Variants in RTCB observed in about 807,000 individuals in gnomAD.
The protein encoded by RTCB is RNA-splicing ligase RTCB.
RTCB carries 32 observed loss-of-function variants against 58.2 expected under a neutral mutation model. The ratio of observed to expected loss-of-function variants is 0.55; its 90% CI spans 0.41 to 0.74. The LOEUF is 0.74. Among genes scored for constraint, RTCB ranks in the 30% least tolerant of loss-of-function variants. RTCB has a pLI of 0.00. For synonymous variants in RTCB, 247 were observed against 218.6 expected (o/e 1.13, Z -1.15); for missense variants, 523 against 639.0 (o/e 0.82, Z 1.96).
At chr22:32,389,912 T>C (rs1384074496) in intron 11 of RTCB, among the ~76,000 whole-genome samples, 1 of 152,194 alleles carries the variant, frequency 6.6e-6, no homozygotes, top group Non-Finnish European at 1.5e-5. Context: ...CATCTCCCTC[T>C]GGCTTGCTCT....
chr22:32,390,542 G>A (rs371502177), intron 11 of RTCB, among the ~76,000 whole-genome samples: 15 of 151,414 alleles, frequency 9.9e-5, no homozygotes, highest in East Asian at 5.8e-4. Flanking sequence ...TCCGCCTCCC[G>A]CGTTCACGCC....
Position 32,396,151 on chromosome 22 carries a change from C to A in RTCB, c.913G>T (p.Asp305Tyr), listed in dbSNP as rs776103835. The A allele has an allele frequency of 6.2e-7, 1 of 1,614,210 alleles. No homozygotes were observed. Among genetic ancestry groups the A allele is most frequent in the Non-Finnish European group, 8.5e-7 (1 of 1,180,028 alleles). ...GCAGCTGCCATTCCCTTCAGATAGTCTTGACCCTCTGGGGAAGCGATTCGA... is the reference window on the plus strand; with the variant it reads ...GCAGCTGCCATTCCCTTCAGATAGTATTGACCCTCTGGGGAAGCGATTCGA... ...CARIASPEGQ[D>Y]YLKGMAAAGN... The change falls in exon 8 of 12, where the codon GAC becomes TAC. Residue 305 changes from aspartate to tyrosine, a missense_variant. This residue lies in a region of RTCB where 248 missense variants were observed against 292.5 expected (regional missense o/e 0.85). Coordinates refer to ENST00000216038, the MANE Select transcript of RTCB (RefSeq NM_014306.5).
At chr22:32,394,301 C>T (rs999150080) in intron 9 of RTCB, among the ~76,000 whole-genome samples, 3 of 151,886 alleles carry the variant, frequency 2.0e-5, no homozygotes, top group African/African-American at 4.8e-5. Flanking sequence ...TTAGTAGAGG[C>T]GGAGTTTCAC....
chr22:32,396,178 C>T lies in RTCB; in HGVS notation c.886G>A (p.Ala296Thr), dbSNP rs767786603. Residue 296 changes from alanine (A) to threonine (T), a missense_variant, in exon 8 of 12, where the codon GCT (alanine) becomes ACT (threonine). Ala to Thr is a moderately conservative substitution (Grantham distance 58). Around this residue, in one of 3 missense-constraint regions of RTCB, gnomAD observed 248 missense variants for 292.5 expected, o/e 0.85. Transcript: ENST00000216038. ...TGACCCTCTGGGGAAGCGATTCGAGCACAAGCCAACTGCCGATCATTGACT... is the reference window on the plus strand; with the variant it reads ...TGACCCTCTGGGGAAGCGATTCGAGTACAAGCCAACTGCCGATCATTGACT... ...IIVNDRQLAC[A>T]RIASPEGQDY... 12 of 1,614,072 alleles carry T rather than the reference C, an allele frequency of 7.4e-6. No individual in the cohort carries two copies. The highest frequency in any genetic ancestry group is 9.3e-6 in the Non-Finnish European group (11 of 1,180,040).
Position 32,392,264 on chromosome 22 carries a change from G to A in RTCB, c.1386C>T (p.Ala462=), listed in dbSNP as rs759653853. The change falls in exon 11 of 12, where the codon GCC becomes GCT. Residue 462 remains alanine (A), a synonymous_variant. Coordinates refer to ENST00000216038, the MANE Select transcript of RTCB (RefSeq NM_014306.5). ...CCTCTTCCATAACCAGTTTGGGTGA[G>A]GCAACACGGATCGCAATTCCCATAT... ...LADMGIAIRV[A]SPKLVMEEAP... The A allele has an allele frequency of 6.2e-7, 1 of 1,613,476 alleles. No homozygotes were observed. Among genetic ancestry groups the A allele is most frequent in the African/African-American group, 1.3e-5 (1 of 74,838 alleles).
chr22:32,410,370 A>C (rs561631426), intron 1 of RTCB, among the ~76,000 whole-genome samples: 16 of 152,260 alleles, frequency 1.1e-4, no homozygotes, highest in African/African-American at 3.6e-4. Flanking sequence ...GAATAAAGAG[A>C]AATTTTTAGT....
intron 2 of RTCB, among the ~76,000 whole-genome samples, 175 bp from the exon 3 acceptor site, chr22:32,408,417 G>C (rs540686962): frequency 2.6e-5 from 4 of 152,328 alleles, no homozygotes; most frequent in African/African-American, 7.2e-5. Flanking sequence ...TAGAGTCACT[G>C]TAAGTATTGC....
Position 32,388,208 on chromosome 22 carries a change from G to GT in RTCB, c.1411-110dup, listed in dbSNP as rs56916243. On this transcript the variant is annotated intron_variant, in intron 11 of 11. Coordinates refer to ENST00000216038, the MANE Select transcript of RTCB (RefSeq NM_014306.5). ...AATGCACACTAAAATAATACAGAGA[G>GT]TTTTTTTTTGCCTATGAAATTAGCA... is the stretch of plus-strand genomic sequence containing the variant. 1.1e-3 allele frequency: 668 copies of GT among 603,712 alleles called. 1 individual carries two copies. Among genetic ancestry groups the GT allele is most frequent in the Middle Eastern group, 2.8e-3 (8 of 2,814 alleles). The allele number at this position is 603,712 out of a possible 1,614,324, so 37.4% of individuals were successfully genotyped here.
intron 1 of RTCB, among the ~76,000 whole-genome samples, chr22:32,409,762 A>G (rs1383279837): frequency 6.6e-6 from 1 of 152,170 alleles, no homozygotes; most frequent in Non-Finnish European, 1.5e-5. Context: ...GGAGATAGAA[A>G]GAATATAAGA....
At position 32,412,072 on chromosome 22, in the gene RTCB, TG is replaced by T; in HGVS notation, c.84del (p.Asn29ThrfsTer10). 6.2e-7 allele frequency: 1 copy of T among 1,606,458 alleles called. No individual in the cohort carries two copies. ...TTGCTCTCCTGCCTTACCTGCATGT[TG>T]GGCACGAAGCCCTTCTTGATCCTCC... ...NCWRIKKGFVPNMQVEGVFYV... is the reference protein window; with the variant it reads ...NCWRIKKGFVXNMQVEGVFYV... On this transcript the variant is annotated frameshift_variant, in exon 1 of 12. Coordinates refer to ENST00000216038, the MANE Select transcript of RTCB (RefSeq NM_014306.5). LOFTEE classifies it high-confidence loss of function.
At chr22:32,394,028 G>T in intron 9 of RTCB, 26 bp from the exon 10 acceptor site, 4 of 1,497,134 alleles carry the variant, frequency 2.7e-6, no homozygotes, top group Non-Finnish European at 3.7e-6. Flanking sequence ...AATCAAACAT[G>T]TTAAAATTCA....
At chr22:32,395,649 T>C (rs1211510603) in intron 8 of RTCB, among the ~76,000 whole-genome samples, 2 of 152,236 alleles carry the variant, frequency 1.3e-5, no homozygotes, top group African/African-American at 2.4e-5. Flanking sequence ...AAGTTAACTA[T>C]GTGAATTTCC....
chr22:32,411,284 G>T (rs1238575824), intron 1 of RTCB, among the ~76,000 whole-genome samples: 2 of 152,178 alleles, frequency 1.3e-5, no homozygotes, highest in African/African-American at 4.8e-5. Flanking sequence ...AAAATACGTT[G>T]CAAAACTTCA....
At chr22:32,410,385 C>T (rs1010805117) in intron 1 of RTCB, among the ~76,000 whole-genome samples, 4 of 152,076 alleles carry the variant, frequency 2.6e-5, no homozygotes, top group Non-Finnish European at 2.9e-5. Context: ...TTTAGTCCAA[C>T]ATGTGGGTCT....
intron 10 of RTCB, among the ~76,000 whole-genome samples, chr22:32,392,714 C>T (rs1291781788): frequency 6.6e-6 from 1 of 152,136 alleles, no homozygotes; most frequent in East Asian, 1.9e-4. Context: ...TTGTTGAAAA[C>T]TACTGGGTTA....
intron 3 of RTCB, chr22:32,407,848 G>C (rs1360369130): frequency 7.0e-6 from 2 of 285,132 alleles, no homozygotes; most frequent in Non-Finnish European, 1.4e-5. Flanking sequence ...GTGCAGTGTG[G>C]AACTCTGGGC....
chr22:32,412,200 A>G lies in RTCB; in HGVS notation c.-44T>C, dbSNP rs1299370688. 6.7e-7 allele frequency: 1 copy of G among 1,496,298 alleles called. No individual in the cohort carries two copies. The highest frequency in any genetic ancestry group is 1.9e-5 in the Admixed American group (1 of 52,492). The allele number at this position is 1,496,298 out of a possible 1,614,324, so 92.7% of individuals were successfully genotyped here. A position where few individuals can be genotyped will look rare whatever the true frequency, so the allele number is the denominator to read the frequency against. ...AAAAACTCCCGGCTCCGCTTTGAAG[A>G]GCCGCTGCCGCGTAGTCCGGCTTCT... On this transcript the variant is annotated 5_prime_UTR_variant, in exon 1 of 12. Transcript: ENST00000216038.
intron 1 of RTCB, among the ~76,000 whole-genome samples, chr22:32,411,715 C>G (rs1476636679): frequency 1.3e-5 from 2 of 152,144 alleles, no homozygotes; most frequent in African/African-American, 4.8e-5. Context: ...CTGGCTGTTC[C>G]ACCCTGGAAA....
At chr22:32,407,461 TC>T (rs1280751206) in intron 3 of RTCB, 1 of 152,426 alleles carries the variant, frequency 6.6e-6, no homozygotes, top group Non-Finnish European at 1.5e-5. Flanking sequence ...CCTCTCTTCC[TC>T]CCCCTCAGTG....
Sources: allele counts gnomAD v4.1 joint callset (sites outside exome capture counted in the v4.1 genomes callset), GRCh38; gene constraint gnomAD v4.1.1; regional missense constraint gnomAD v4.1.1; transcripts MANE v1.5; gene names NCBI Gene and HGNC (gene_info 2026-07-23, HGNC 2026-07-21).